Variants in CMTM8 observed in about 807,000 individuals in gnomAD.
CMTM8 encodes the protein CKLF like MARVEL transmembrane domain containing 8.
In CMTM8, 12 loss-of-function variants were observed where a neutral mutation model predicts 18.6. The ratio of observed to expected loss-of-function variants is 0.65; its 90% CI spans 0.41 to 1.05. The LOEUF (loss-of-function observed/expected upper bound fraction) is 1.05. CMTM8 is among the 50% of genes least tolerant of loss of function. CMTM8 has a pLI of 0.00. For missense variants in CMTM8, 217 were observed against 227.2 expected, an observed-to-expected ratio of 0.95 and a Z score of 0.29; for synonymous variants, 87 against 90.6, an observed-to-expected ratio of 0.96 and a Z score of 0.23.
intron 1 of CMTM8, among the ~76,000 whole-genome samples, chr3:32,298,432 AC>A (rs60162214): frequency 1.5e-5 from 2 of 131,172 alleles, no homozygotes; most frequent in Non-Finnish European, 3.2e-5. Context: ...CTATAAACAT[AC>A]CCCCCTTTTT....
chr3:32,320,299 A>G (rs1041342929), intron 1 of CMTM8, among the ~76,000 whole-genome samples: 1 of 152,236 alleles, frequency 6.6e-6, no homozygotes, highest in African/African-American at 2.4e-5. Context: ...CAGTCATTAA[A>G]AAGATCGAAG....
intron 2 of CMTM8, among the ~76,000 whole-genome samples, chr3:32,360,090 G>A (rs1696894154): frequency 6.6e-6 from 1 of 152,184 alleles, no homozygotes; most frequent in African/African-American, 2.4e-5. Context: ...TCAGCCTCCA[G>A]GTCAGGGGTT....
intron 1 of CMTM8, among the ~76,000 whole-genome samples, chr3:32,283,115 T>C (rs1702631296): frequency 6.6e-6 from 1 of 152,150 alleles, no homozygotes; most frequent in Non-Finnish European, 1.5e-5. Flanking sequence ...TAACACGCAC[T>C]AAATAAATGT....
At chr3:32,332,546 C>T (rs1696301139) in intron 1 of CMTM8, among the ~76,000 whole-genome samples, 1 of 152,042 alleles carries the variant, frequency 6.6e-6, no homozygotes, top group South Asian at 2.1e-4. Flanking sequence ...GTAAAGGCCT[C>T]ATGGGGAGGG....
At chr3:32,304,561 G>A (rs1023670083) in intron 1 of CMTM8, among the ~76,000 whole-genome samples, 4 of 152,188 alleles carry the variant, frequency 2.6e-5, no homozygotes, top group South Asian at 2.1e-4. Flanking sequence ...AACAAAAGAA[G>A]CTTAGTTTAC....
intron 2 of CMTM8, among the ~76,000 whole-genome samples, chr3:32,362,900 T>C (rs552857981): frequency 6.6e-6 from 1 of 152,346 alleles, no homozygotes; most frequent in African/African-American, 2.4e-5. Flanking sequence ...CAGGATCCAC[T>C]GAGTCTTCCT....
chr3:32,367,894 C>A lies in CMTM8; in HGVS notation c.344C>A (p.Ala115Asp). ...CAGGGCCTGTGCTTTAACGGCAGTGCCTTCGTCTTGTACCTCTCTGCCGCT... is the reference window on the plus strand; with the variant it reads ...CAGGGCCTGTGCTTTAACGGCAGTGACTTCGTCTTGTACCTCTCTGCCGCT... The part of the protein sequence containing the change: ...TTVGLCFNGS[A>D]FVLYLSAAVV... The change falls in exon 3 of 4, where the codon GCC becomes GAC. Residue 115 changes from alanine to aspartate, a missense_variant. Physicochemically the swap from Ala to Asp is moderately radical, Grantham distance 126 (BLOSUM62 -2). Coordinates refer to ENST00000307526, the MANE Select transcript of CMTM8 (RefSeq NM_178868.5). 1.2e-6 allele frequency: 2 copies of A among 1,613,930 alleles called. No individual in the cohort carries two copies. The highest frequency in any genetic ancestry group is 1.7e-6 in the Non-Finnish European group (2 of 1,179,854).
At chr3:32,344,956 G>A (rs993551189) in intron 1 of CMTM8, among the ~76,000 whole-genome samples, 2 of 152,164 alleles carry the variant, frequency 1.3e-5, no homozygotes, top group Admixed American at 6.5e-5. Flanking sequence ...AAGATGATGT[G>A]AGGGTAGGAG....
chr3:32,312,167 T>C (rs1695832323), intron 1 of CMTM8, among the ~76,000 whole-genome samples: 2 of 152,090 alleles, frequency 1.3e-5, no homozygotes, highest in African/African-American at 4.8e-5. Flanking sequence ...AGAGCCCTCA[T>C]AGCAAGCAAC....
chr3:32,351,291 C>T (rs78247039), intron 1 of CMTM8, among the ~76,000 whole-genome samples: 3,307 of 152,278 alleles, frequency 0.022, 119 homozygotes, highest in African/African-American at 0.076. Flanking sequence ...ATATAGAACT[C>T]AATGCTAGTG....
chr3:32,249,712 A>G (rs1261329557), intron 1 of CMTM8, among the ~76,000 whole-genome samples: 1 of 152,140 alleles, frequency 6.6e-6, no homozygotes, highest in African/African-American at 2.4e-5. Context: ...TCCTTTGCCT[A>G]TTTTAAAAAT....
At chr3:32,333,933 G>C (rs1340046719) in intron 1 of CMTM8, among the ~76,000 whole-genome samples, 1 of 152,034 alleles carries the variant, frequency 6.6e-6, no homozygotes, top group Non-Finnish European at 1.5e-5. Context: ...AGGGAGGAGA[G>C]AAGGGGATAT....
At chr3:32,255,404 G>A (rs1037465600) in intron 1 of CMTM8, among the ~76,000 whole-genome samples, 6 of 152,098 alleles carry the variant, frequency 3.9e-5, no homozygotes, top group Admixed American at 6.5e-5. Flanking sequence ...TTTAAAAAAT[G>A]ATTTCTTAGG....
At chr3:32,343,827 G>A (rs1174806482) in intron 1 of CMTM8, among the ~76,000 whole-genome samples, 1 of 152,132 alleles carries the variant, frequency 6.6e-6, no homozygotes, top group African/African-American at 2.4e-5. Context: ...AGCCTCTCAG[G>A]AAGCTGGGAT....
intron 1 of CMTM8, among the ~76,000 whole-genome samples, chr3:32,300,010 A>G (rs1008208599): frequency 5.3e-5 from 8 of 152,240 alleles, no homozygotes; most frequent in African/African-American, 1.9e-4. Context: ...AATCATGGCC[A>G]GCACCTCTAT....
chr3:32,348,489 A>G (rs1295917083), intron 1 of CMTM8, among the ~76,000 whole-genome samples: 1 of 124,520 alleles, frequency 8.0e-6, no homozygotes, highest in Non-Finnish European at 1.7e-5. Context: ...TGAGTAGCTG[A>G]TTTCTTTCCC....
intron 1 of CMTM8, among the ~76,000 whole-genome samples, chr3:32,355,037 C>T (rs1203835709): frequency 3.3e-5 from 5 of 152,170 alleles, no homozygotes; most frequent in Admixed American, 3.3e-4. Flanking sequence ...TGTTGATGCT[C>T]AACTCTAAAG....
intron 1 of CMTM8, among the ~76,000 whole-genome samples, chr3:32,351,134 C>G (rs1180053362): frequency 1.3e-5 from 2 of 152,148 alleles, no homozygotes; most frequent in African/African-American, 4.8e-5. Flanking sequence ...GGCACTGACA[C>G]AGCAGATGAA....
intron 1 of CMTM8, among the ~76,000 whole-genome samples, chr3:32,337,881 A>T (rs888921452): frequency 6.7e-6 from 1 of 150,062 alleles, no homozygotes; most frequent in South Asian, 2.1e-4. Flanking sequence ...TCATTTACAT[A>T]TTGTTTATGG....
Sources: gnomAD v4.1 joint callset for allele counts (sites outside exome capture counted in the v4.1 genomes callset) on GRCh38, gnomAD v4.1.1 for gene constraint, MANE v1.5 for transcripts, NCBI Gene and HGNC (gene_info 2026-07-23, HGNC 2026-07-21) for gene names.